KIAA1328: variants seen among roughly 807,000 people sequenced by gnomAD.
The protein encoded by KIAA1328 is protein hinderin.
In KIAA1328, 52 loss-of-function variants were observed where a neutral mutation model predicts 68.1. That is an observed-to-expected ratio of 0.76 (90% confidence interval 0.61 to 0.96). KIAA1328 has a LOEUF of 0.96. Ranked by LOEUF, KIAA1328 falls within the 40% of genes least tolerant of loss-of-function variation. The probability of loss-of-function intolerance (pLI) is 0.00; values close to 1 mark genes in which losing one functional copy is unlikely to be tolerated. For missense variants in KIAA1328, 641 were observed against 677.6 expected (o/e 0.95, Z 0.60); for synonymous variants, 232 against 239.4 (o/e 0.97, Z 0.28).
chr18:37,185,266 C>G (rs1423225099), intron 9 of KIAA1328, among the ~76,000 whole-genome samples: 1 of 152,084 alleles, frequency 6.6e-6, no homozygotes, highest in African/African-American at 2.4e-5. Context: ...GAAGCACCAC[C>G]CCGTTGACAA....
chr18:37,019,177 G>A (rs553414563), intron 6 of KIAA1328, among the ~76,000 whole-genome samples: 2 of 145,590 alleles, frequency 1.4e-5, no homozygotes, highest in East Asian at 2.2e-4. Context: ...ACCCCCCTCC[G>A]AGTGTGACTG....
chr18:36,936,166 TA>T (rs910251500), intron 5 of KIAA1328, among the ~76,000 whole-genome samples: 66 of 149,122 alleles, frequency 4.4e-4, no homozygotes, highest in South Asian at 1.5e-3. Context: ...TTATTTCTTC[TA>T]AAAAAAAAAT....
intron 5 of KIAA1328, chr18:36,955,776 T>A (rs1362832935): frequency 6.6e-6 from 1 of 152,188 alleles, no homozygotes; most frequent in Non-Finnish European, 1.5e-5. Context: ...GAATCTTTTT[T>A]TTTTTTAATT....
chr18:36,918,487 A>G (rs1259278759), intron 5 of KIAA1328, among the ~76,000 whole-genome samples: 3 of 143,460 alleles, frequency 2.1e-5, no homozygotes, highest in South Asian at 4.3e-4. Context: ...ATCTTGGCTC[A>G]CTGCAACCTC....
chr18:36,989,907 A>G (rs1426452834), intron 6 of KIAA1328, among the ~76,000 whole-genome samples: 1 of 152,010 alleles, frequency 6.6e-6, no homozygotes, highest in African/African-American at 2.4e-5. Flanking sequence ...GTTAGCCAGG[A>G]TGGTCTCGAT....
At position 37,222,943 on chromosome 18, in the gene KIAA1328, G is replaced by A; in HGVS notation, c.*716G>A. 1.0e-6 allele frequency: 1 copy of A among 985,522 alleles called. No individual in the cohort carries two copies. Among genetic ancestry groups the A allele is most frequent in the Non-Finnish European group, 1.2e-6 (1 of 830,086 alleles). 61.0% of individuals were successfully genotyped at this position (985,522 alleles called of 1,614,324 possible). The stretch of plus-strand genomic sequence containing the variant: ...GGAAATTCAGTGGAGGCACAAGCCT[G>A]AAGCACTCTTCTACCAATGTTTGGG... On this transcript the variant is annotated 3_prime_UTR_variant, in exon 10 of 10. Coordinates refer to ENST00000280020, the MANE Select transcript of KIAA1328 (RefSeq NM_020776.3).
chr18:37,203,093 A>C (rs2060144789), intron 9 of KIAA1328, among the ~76,000 whole-genome samples: 1 of 151,726 alleles, frequency 6.6e-6, no homozygotes, highest in African/African-American at 2.4e-5. Flanking sequence ...AGGTAAACCA[A>C]AATCTTTTAT....
At chr18:37,152,109 A>C (rs1176724826) in intron 7 of KIAA1328, among the ~76,000 whole-genome samples, 2 of 151,800 alleles carry the variant, frequency 1.3e-5, no homozygotes, top group Admixed American at 1.3e-4. Flanking sequence ...AAAAAAAAAA[A>C]AAAAAAAACA....
At chr18:36,893,214 A>T (rs1346544717) in intron 5 of KIAA1328, among the ~76,000 whole-genome samples, 1 of 151,494 alleles carries the variant, frequency 6.6e-6, no homozygotes, top group Non-Finnish European at 1.5e-5. Context: ...CTCCTCACCC[A>T]CTCCAGTCCC....
rs539712683 is a variant in KIAA1328 at position 36,980,922 on chromosome 18, A to G, written c.576+21487A>G. The stretch of plus-strand genomic sequence containing the variant: ...CCATGATTGTGAGACCTCCCCAGCT[A>G]AGTGGAACTGTGAGTCCATTTAAAC... On this transcript the variant is annotated intron_variant, in intron 6 of 9. Transcript: ENST00000280020. Among the ~76,000 whole-genome samples the G allele has an allele frequency of 5.9e-5, 9 of 152,330 alleles. No homozygotes were observed. The South Asian group carries it at 1.7e-3, about 28-fold the overall frequency.
At chr18:37,164,807 G>A (rs1440239649) in intron 8 of KIAA1328, among the ~76,000 whole-genome samples, 3 of 151,920 alleles carry the variant, frequency 2.0e-5, no homozygotes, top group Non-Finnish European at 4.4e-5. Flanking sequence ...GGACGGGGAG[G>A]GTTCTATTGT....
intron 7 of KIAA1328, among the ~76,000 whole-genome samples, chr18:37,120,926 A>G (rs983025315): frequency 6.6e-6 from 1 of 152,170 alleles, no homozygotes; most frequent in Non-Finnish European, 1.5e-5. Context: ...AGATTTTAGA[A>G]ATTTCTAGCT....
At chr18:37,225,558 C>G (rs2060629851), downstream of KIAA1328, among the ~76,000 whole-genome samples, 1 of 152,210 alleles carries the variant, frequency 6.6e-6, no homozygotes, top group Non-Finnish European at 1.5e-5. Flanking sequence ...GAACACCAAG[C>G]CGCCTCTAGA....
At position 36,898,164 on chromosome 18, in the gene KIAA1328, A is replaced by AT. The variant is rs570826577; in HGVS notation, c.448+12493dup. On this transcript the variant is annotated intron_variant, in intron 5 of 9. Coordinates refer to ENST00000280020, the MANE Select transcript of KIAA1328 (RefSeq NM_020776.3). Reference sequence around the variant, plus strand: ...GTGGATGTGAAGACATATTTGATATATATCTTTCAAATGTTATCTTTTATT... The same window carrying AT: ...GTGGATGTGAAGACATATTTGATATATTATCTTTCAAATGTTATCTTTTATT... 1.4e-4 allele frequency among the ~76,000 whole-genome samples: 22 copies of AT among 152,158 alleles called. 1 individual carries two copies. In the South Asian group the frequency reaches 4.6e-3, roughly 32 times the overall value.
chr18:37,008,154 A>G (rs555844875), intron 6 of KIAA1328, among the ~76,000 whole-genome samples: 17 of 152,336 alleles, frequency 1.1e-4, no homozygotes, highest in Non-Finnish European at 2.1e-4. Flanking sequence ...CTGCAGTGCC[A>G]CAAGAGGAAC....
intron 6 of KIAA1328, among the ~76,000 whole-genome samples, chr18:37,028,234 A>G (rs984793513): frequency 6.6e-6 from 1 of 152,144 alleles, no homozygotes; most frequent in Non-Finnish European, 1.5e-5. Flanking sequence ...TATCATTCTT[A>G]TAGAGATCTT....
intron 6 of KIAA1328, among the ~76,000 whole-genome samples, chr18:36,986,088 A>C (rs1383363548): frequency 6.6e-6 from 1 of 152,098 alleles, no homozygotes; most frequent in Non-Finnish European, 1.5e-5. Flanking sequence ...CCTACCATAT[A>C]ATCCAACCAT....
chr18:37,036,002 A>G (rs1599040265), intron 6 of KIAA1328, among the ~76,000 whole-genome samples: 1 of 152,200 alleles, frequency 6.6e-6, no homozygotes, highest in East Asian at 1.9e-4. Context: ...AAATCAAAGT[A>G]TGCCTTCAGA....
At chr18:37,020,180 A>G (rs184287299) in intron 6 of KIAA1328, among the ~76,000 whole-genome samples, 203 of 152,126 alleles carry the variant, frequency 1.3e-3, no homozygotes, top group African/African-American at 4.5e-3. Context: ...CTGGAGTGCA[A>G]TGGTGCTATC....
Sources: allele counts gnomAD v4.1 joint callset (sites outside exome capture counted in the v4.1 genomes callset), GRCh38; gene constraint gnomAD v4.1.1; transcripts MANE v1.5; gene names NCBI Gene and HGNC (gene_info 2026-07-23, HGNC 2026-07-21).